POLR3E: variants seen among roughly 807,000 people sequenced by gnomAD.
POLR3E encodes the protein RNA polymerase III subunit E, also known as DNA-directed RNA polymerase III subunit RPC5.
Under a neutral mutation model 96.6 loss-of-function variants are expected in POLR3E, and 41 were observed. The ratio of observed to expected loss-of-function variants is 0.42; its 90% CI spans 0.33 to 0.55. The LOEUF (loss-of-function observed/expected upper bound fraction) is 0.55, where lower values mean the gene tolerates loss of function less well. POLR3E is among the 20% of genes least tolerant of loss of function. The pLI is 0.06. For synonymous variants in POLR3E, 396 were observed against 383.6 expected, an observed-to-expected ratio of 1.03 and a Z score of -0.38; for missense variants, 849 against 952.1, an observed-to-expected ratio of 0.89 and a Z score of 1.43.
In POLR3E at chr16:22,300,823, A is replaced by G. The variant is rs369314859; in HGVS notation, c.-38-2108A>G. 8.9e-4 allele frequency among the ~76,000 whole-genome samples: 136 copies of G among 152,314 alleles called. 3 individuals carry two copies. In the South Asian group the frequency reaches 0.024, roughly 27 times the overall value. On this transcript the variant is annotated intron_variant, in intron 1 of 20. Transcript: ENST00000299853. ...GAAATCCTTCTGTAGCTTCCTATTA[A>G]ATAGCATTCCCATGGTTCATTTATT... is the stretch of plus-strand genomic sequence containing the variant.
chr16:22,321,374 T>G (rs1475626834), intron 13 of POLR3E, among the ~76,000 whole-genome samples: 1 of 152,236 alleles, frequency 6.6e-6, no homozygotes, highest in Non-Finnish European at 1.5e-5. Context: ...AAGCTCCTCA[T>G]AGTTGTAGAG....
chr16:22,326,645 C>T lies in POLR3E; in HGVS notation c.1866+367C>T, dbSNP rs888821657. ...TTTGGAATGATTTAACTTCTAAGAT[C>T]GTTTGATCTTCTTTGCAATCTGCAG... On this transcript the variant is annotated intron_variant, in intron 18 of 20. Transcript: ENST00000299853. The T allele has an allele frequency of 2.0e-5, 7 of 349,764 alleles. No individual in the cohort carries two copies. In the East Asian group the frequency reaches 3.5e-4, roughly 17 times the overall value. 21.7% of individuals were successfully genotyped at this position (349,764 alleles called of 1,614,324 possible). A position where few individuals can be genotyped will look rare whatever the true frequency, so the allele number is the denominator to read the frequency against.
At position 22,309,525 on chromosome 16, in the gene POLR3E, G is replaced by A. The variant is rs778875778; in HGVS notation, c.364+15G>A. ...CTACAGGCAAGGTACCCGGGGCTGGGTGTCCCGCGGTGGGGACATGGCATT... is the reference window on the plus strand; with the variant it reads ...CTACAGGCAAGGTACCCGGGGCTGGATGTCCCGCGGTGGGGACATGGCATT... On this transcript the variant is annotated intron_variant, in intron 6 of 20. Transcript: ENST00000299853. 5 of 1,587,918 alleles carry A rather than the reference G, an allele frequency of 3.1e-6. No individual in the cohort carries two copies. In the South Asian group the frequency reaches 5.5e-5, roughly 18 times the overall value.
Position 22,317,034 on chromosome 16 carries a change from G to A in POLR3E, c.768G>A (p.Glu256=). The A allele has an allele frequency of 6.2e-7, 1 of 1,614,170 alleles. No individual in the cohort carries two copies. Among genetic ancestry groups the A allele is most frequent in the Non-Finnish European group, 8.5e-7 (1 of 1,179,994 alleles). Residue 256 remains glutamate, a synonymous_variant, in exon 11 of 21, where the codon GAG becomes GAA. Coordinates refer to ENST00000299853, the MANE Select transcript of POLR3E (RefSeq NM_018119.4). ...TGCTGATGCCACCCAGCCAGGAGGA[G>A]GAGAAGTGAGTAGAGGCGGCAGGAC... ...LMMLMPPSQE[E]EKDKPVAPSN... is the part of the protein sequence containing the mutation.
chr16:22,304,389 C>T (rs887906871), intron 2 of POLR3E, among the ~76,000 whole-genome samples: 10 of 152,128 alleles, frequency 6.6e-5, no homozygotes, highest in Non-Finnish European at 1.0e-4. Flanking sequence ...ACTGCAGTAG[C>T]AGGAGTTACA....
intron 13 of POLR3E, among the ~76,000 whole-genome samples, chr16:22,319,182 C>T (rs957457368): frequency 1.3e-5 from 2 of 151,594 alleles, no homozygotes; most frequent in Non-Finnish European, 2.9e-5. Context: ...CCATGTTGGC[C>T]AGGCTGGTCT....
At chr16:22,317,695 TTA>T (rs1598260549) in intron 12 of POLR3E, among the ~76,000 whole-genome samples, 1 of 151,774 alleles carries the variant, frequency 6.6e-6, no homozygotes, top group East Asian at 1.9e-4. Context: ...TTTAAAGGTT[TTA>T]AAGGTTTTTT....
intron 17 of POLR3E, 48 bp downstream of exon 17, chr16:22,325,314 C>A (rs773213202): frequency 2.7e-6 from 4 of 1,456,448 alleles, no homozygotes; most frequent in Non-Finnish European, 3.9e-6. Flanking sequence ...TACACTGTGG[C>A]TCCGGAAGGG....
At chr16:22,328,473 G>A (rs780796067) in intron 18 of POLR3E, 37 bp from the exon 19 acceptor site, 3 of 1,556,576 alleles carry the variant, frequency 1.9e-6, no homozygotes, top group Non-Finnish European at 1.8e-6. Flanking sequence ...CCATGGGGTA[G>A]AGATGGACAA....
At chr16:22,323,146 G>A (rs563576655) in intron 14 of POLR3E, among the ~76,000 whole-genome samples, 3 of 152,084 alleles carry the variant, frequency 2.0e-5, no homozygotes, top group South Asian at 4.2e-4. Flanking sequence ...TCGGGGGGTG[G>A]GTCAAGAAGC....
chr16:22,305,130 G>A (rs1567308800), intron 2 of POLR3E, 26 bp from the exon 3 acceptor site: 3 of 1,605,752 alleles, frequency 1.9e-6, no homozygotes, highest in Non-Finnish European at 2.6e-6. Flanking sequence ...CAGTCTCCCG[G>A]TTAAGTCGTC....
At chr16:22,311,389 C>T (rs1434749162) in intron 6 of POLR3E, among the ~76,000 whole-genome samples, 2 of 151,576 alleles carry the variant, frequency 1.3e-5, no homozygotes, top group Non-Finnish European at 2.9e-5. Context: ...CTCACTCATC[C>T]AGAGCAGCTT....
At chr16:22,302,811 A>G (rs2048053409) in intron 1 of POLR3E, 120 bp from the exon 2 acceptor site, 1 of 733,952 alleles carries the variant, frequency 1.4e-6, no homozygotes, top group South Asian at 1.5e-5. Flanking sequence ...GTAGATGTAG[A>G]AAGAAGGTCA....
At chr16:22,305,354 G>A (rs2048113425) in intron 3 of POLR3E, 148 bp downstream of exon 3, 3 of 726,174 alleles carry the variant, frequency 4.1e-6, no homozygotes, top group South Asian at 1.4e-5. Context: ...TTCGTGGGTG[G>A]GTTAATATTG....
rs757174494 is a variant in POLR3E, at chr16:22,302,946, T to C, written c.-23T>C. On this transcript the variant is annotated 5_prime_UTR_variant, in exon 2 of 21. Coordinates refer to ENST00000299853, the MANE Select transcript of POLR3E (RefSeq NM_018119.4). The stretch of plus-strand genomic sequence containing the variant: ...TCCTTTGCAGATCGAGCTGAAGGAC[T>C]GCGCGGCTGGCTCTCCTCTAGTATG... 1.9e-6 allele frequency: 3 copies of C among 1,612,994 alleles called. No homozygotes were observed. Among genetic ancestry groups the C allele is most frequent in the South Asian group, 1.1e-5 (1 of 91,068 alleles).
chr16:22,330,691 A>T (rs745611640), intron 19 of POLR3E, among the ~76,000 whole-genome samples: 24 of 152,158 alleles, frequency 1.6e-4, no homozygotes, highest in Non-Finnish European at 2.6e-4. Flanking sequence ...GAGACAGAGG[A>T]GTTGTCTGCA....
intron 19 of POLR3E, among the ~76,000 whole-genome samples, chr16:22,330,362 A>C (rs1224822433): frequency 1.3e-5 from 2 of 152,144 alleles, no homozygotes; most frequent in Non-Finnish European, 2.9e-5. Context: ...TGGGATTACA[A>C]GCGTGAGCCA....
chr16:22,312,815 C>T (rs762366414), intron 6 of POLR3E, among the ~76,000 whole-genome samples: 13 of 135,772 alleles, frequency 9.6e-5, no homozygotes, highest in Non-Finnish European at 1.5e-4. Flanking sequence ...TGCACTGAGC[C>T]GAGATCATGG....
At chr16:22,328,980 G>A (rs750957664) in intron 19 of POLR3E, 118 of 211,368 alleles carry the variant, frequency 5.6e-4, no homozygotes, top group Admixed American at 1.9e-3. Flanking sequence ...GCCCATAGTC[G>A]TGGGAGGCTG....
Sources: allele counts gnomAD v4.1 joint callset (sites outside exome capture counted in the v4.1 genomes callset), GRCh38; gene constraint gnomAD v4.1.1; transcripts MANE v1.5; gene names NCBI Gene and HGNC (gene_info 2026-07-23, HGNC 2026-07-21).